The following ADCY8 variants were observed in gnomAD, a reference collection of about 807,000 sequenced individuals.
ADCY8 encodes adenylate cyclase type 8.
A neutral mutation model predicts 119.7 loss-of-function variants in ADCY8; 51 were observed. That is an observed-to-expected ratio of 0.43 (90% CI 0.34 to 0.54). The LOEUF (loss-of-function observed/expected upper bound fraction) is 0.54, where lower values mean the gene tolerates loss of function less well. Among genes scored for constraint, ADCY8 ranks in the 20% least tolerant of loss-of-function variants. ADCY8 has a pLI of 0.03. For missense variants in ADCY8, 1,383 were observed against 1,598.8 expected (o/e 0.87, Z 2.30); for synonymous variants, 665 against 651.0 (o/e 1.02, Z -0.33).
chr8:130,815,856 T>C (rs142774510), intron 13 of ADCY8, among the ~76,000 whole-genome samples: 110 of 152,354 alleles, frequency 7.2e-4, no homozygotes, highest in African/African-American at 2.6e-3. Flanking sequence ...TAGGAAGTTA[T>C]AGATAAACAC....
At chr8:130,975,892 C>T (rs1822056688) in intron 2 of ADCY8, among the ~76,000 whole-genome samples, 1 of 152,170 alleles carries the variant, frequency 6.6e-6, no homozygotes, top group Admixed American at 6.5e-5. Context: ...TTCCCAGTGA[C>T]ACTGCCCGCA....
chr8:131,022,018 T>A (rs929858821), intron 1 of ADCY8, among the ~76,000 whole-genome samples: 1 of 152,230 alleles, frequency 6.6e-6, no homozygotes, highest in Admixed American at 6.5e-5. Flanking sequence ...AAGGAATTTA[T>A]TTTTGTTAGT....
intron 2 of ADCY8, among the ~76,000 whole-genome samples, chr8:130,972,183 C>G (rs1821942757): frequency 6.6e-6 from 1 of 152,174 alleles, no homozygotes; most frequent in South Asian, 2.1e-4. Flanking sequence ...ATCATTTTGA[C>G]AAAACCATTA....
At chr8:130,790,334 G>A (rs569041978) in intron 15 of ADCY8, among the ~76,000 whole-genome samples, 1 of 152,224 alleles carries the variant, frequency 6.6e-6, no homozygotes, top group African/African-American at 2.4e-5. Flanking sequence ...GATTTAGGAG[G>A]GTGAAACGTC....
At chr8:130,877,597 A>G (rs1188145735) in intron 8 of ADCY8, among the ~76,000 whole-genome samples, 4 of 152,216 alleles carry the variant, frequency 2.6e-5, no homozygotes, top group Non-Finnish European at 1.5e-5. Context: ...TGCGTGAAAT[A>G]TCTAATCCTT....
chr8:131,027,260 C>T (rs372980854), intron 1 of ADCY8, among the ~76,000 whole-genome samples: 1 of 152,122 alleles, frequency 6.6e-6, no homozygotes, highest in Non-Finnish European at 1.5e-5. Flanking sequence ...GTACTTGTCC[C>T]GGAGAAGGGG....
At chr8:130,920,144 T>TAAAA (rs71304399) in intron 5 of ADCY8, among the ~76,000 whole-genome samples, 10 of 99,806 alleles carry the variant, frequency 1.0e-4, no homozygotes, top group South Asian at 4.1e-4. Context: ...CTCCGTTTCT[T>TAAAA]AAAAAAAAAA....
intron 12 of ADCY8, among the ~76,000 whole-genome samples, chr8:130,824,899 C>A (rs1006850989): frequency 7.9e-5 from 12 of 152,186 alleles, no homozygotes; most frequent in Non-Finnish European, 1.8e-4. Flanking sequence ...ATGAAGCTGG[C>A]CATTACAGTT....
At chr8:130,800,277 A>T in intron 15 of ADCY8, 149 bp downstream of exon 15, 1 of 882,968 alleles carries the variant, frequency 1.1e-6, no homozygotes, top group Non-Finnish European at 1.8e-6. Context: ...TGTGATAATT[A>T]AATCAGATAA....
At chr8:130,983,145 G>A (rs1285384883) in intron 2 of ADCY8, among the ~76,000 whole-genome samples, 1 of 152,170 alleles carries the variant, frequency 6.6e-6, no homozygotes, top group Non-Finnish European at 1.5e-5. Context: ...AAAAATTAAG[G>A]TACTCAACAA....
intron 14 of ADCY8, among the ~76,000 whole-genome samples, chr8:130,809,104 C>T (rs1816078575): frequency 1.3e-5 from 2 of 152,178 alleles, no homozygotes; most frequent in Admixed American, 1.3e-4. Flanking sequence ...CTGCCTTGGA[C>T]AGAATGCTTC....
intron 5 of ADCY8, among the ~76,000 whole-genome samples, chr8:130,924,779 G>A (rs777778474): frequency 6.6e-6 from 1 of 152,220 alleles, no homozygotes; most frequent in Middle Eastern, 3.4e-3. Context: ...AGTCTGATTT[G>A]TCCATGCTGC....
At chr8:130,804,565 A>G (rs1423003332) in intron 14 of ADCY8, among the ~76,000 whole-genome samples, 2 of 152,198 alleles carry the variant, frequency 1.3e-5, no homozygotes, top group Non-Finnish European at 1.5e-5. Flanking sequence ...AAATAGAGAA[A>G]AAAGAGAAGA....
chr8:131,017,572 C>G lies in ADCY8; in HGVS notation c.960+21802G>C, dbSNP rs149327342. Among the ~76,000 whole-genome samples the G allele has an allele frequency of 1.2e-3, 184 of 152,280 alleles. 1 individual carries two copies. Among genetic ancestry groups the G allele is most frequent in the Non-Finnish European group, 2.4e-3 (160 of 68,026 alleles). On this transcript the variant is annotated intron_variant, in intron 1 of 17. Transcript: ENST00000286355. ...CTAGGAAGCCAGAGAGCACTGGGTG[C>G]TAGATGCATTAGGAAAAGCCCCCCA...
At chr8:130,912,616 T>C (rs1372664952) in intron 5 of ADCY8, among the ~76,000 whole-genome samples, 1 of 152,212 alleles carries the variant, frequency 6.6e-6, no homozygotes, top group Non-Finnish European at 1.5e-5. Context: ...TGTAAGGTAA[T>C]GCAAAGCTAT....
chr8:130,810,142 C>T lies in ADCY8; in HGVS notation c.2913+3927G>A, dbSNP rs142744530. On this transcript the variant is annotated intron_variant, in intron 14 of 17. Transcript: ENST00000286355. ...GGTGGTGCTTTGGGTGCTATTGTGG[C>T]TCCGTGAAACTCACAGATGTCCCCA... is the stretch of plus-strand genomic sequence containing the variant. Among the ~76,000 whole-genome samples the T allele has an allele frequency of 4.6e-5, 7 of 152,238 alleles. No homozygotes were observed. The East Asian group carries it at 1.3e-3, about 29-fold the overall frequency.
intron 15 of ADCY8, among the ~76,000 whole-genome samples, chr8:130,788,576 CTATA>C (rs1209828107): frequency 6.6e-6 from 1 of 151,810 alleles, no homozygotes; most frequent in Non-Finnish European, 1.5e-5. Context: ...AGTAGAGTGA[CTATA>C]ATTAATAATA....
chr8:130,973,556 G>C (rs1384944685), intron 2 of ADCY8, among the ~76,000 whole-genome samples: 1 of 152,238 alleles, frequency 6.6e-6, no homozygotes, highest in Non-Finnish European at 1.5e-5. Flanking sequence ...AGAGTCAGCA[G>C]AGCTGATCAG....
Position 130,800,524 on chromosome 8 carries a change from T to C in ADCY8, c.2962A>G (p.Ile988Val), listed in dbSNP as rs1299501716. Residue 988 changes from isoleucine (I) to valine (V), a missense_variant, in exon 15 of 18, where the codon ATC (isoleucine) becomes GTC (valine). Around this residue, in one of 2 missense-constraint regions of ADCY8, gnomAD observed 928 missense variants for 1,163.5 expected, o/e 0.80. Transcript: ENST00000286355. ...YDAVGVMFAS[I>V]PGFADFYSQT... ...GAGTAAAAGTCCGCAAATCCTGGGA[T>C]GGAGGCAAACATCACCCCAACAGCA... The C allele has an allele frequency of 5.0e-6, 8 of 1,614,120 alleles. No individual in the cohort carries two copies. Among genetic ancestry groups the C allele is most frequent in the Admixed American group, 1.7e-5 (1 of 60,022 alleles).
Sources: allele counts gnomAD v4.1 joint callset (sites outside exome capture counted in the v4.1 genomes callset), GRCh38; gene constraint gnomAD v4.1.1; regional missense constraint gnomAD v4.1.1; transcripts MANE v1.5; gene names NCBI Gene and HGNC (gene_info 2026-07-23, HGNC 2026-07-21).